Variants in SPG7 observed in about 807,000 individuals in gnomAD.
The protein encoded by SPG7 is SPG7 matrix AAA peptidase subunit, paraplegin.
In SPG7, 103 loss-of-function variants were observed where a neutral mutation model predicts 81.9. The ratio of observed to expected loss-of-function variants is 1.26; its 90% CI spans 1.07 to 1.48. SPG7 has a LOEUF of 1.48. Ranked by LOEUF, SPG7 falls within the 40% of genes most tolerant of loss-of-function variation. The pLI, the probability that SPG7 is intolerant of heterozygous loss-of-function variation, is 0.00. For synonymous variants in SPG7, 534 were observed against 444.2 expected (o/e 1.20, Z -2.54); for missense variants, 1,241 against 1,087.3 (o/e 1.14, Z -1.99).
chr16:89,557,420 C>T lies in SPG7; in HGVS notation c.*327C>T. On this transcript the variant is annotated 3_prime_UTR_variant, in exon 17 of 17. Transcript: ENST00000645818. ...CTGAGGCCACCCAGAGGCAGCAGAG[C>T]ATTCAGACTCCAAACAGACCCCTGT... 1 of 385,154 alleles carries T rather than the reference C, an allele frequency of 2.6e-6. No homozygotes were observed. 23.9% of individuals were successfully genotyped at this position (385,154 alleles called of 1,614,324 possible). A position where few individuals can be genotyped will look rare whatever the true frequency, so the allele number is the denominator to read the frequency against.
intron 4 of SPG7, 144 bp downstream of exon 4, chr16:89,524,391 T>A: frequency 5.4e-6 from 5 of 921,826 alleles, no homozygotes; most frequent in Middle Eastern, 3.6e-4. Flanking sequence ...GAGGGCATGC[T>A]TCTTTCTCAT....
At chr16:89,531,223 GAC>G (rs2058338237) in intron 7 of SPG7, 1 of 349,038 alleles carries the variant, frequency 2.9e-6, no homozygotes, top group African/African-American at 2.1e-5. Context: ...TCGAGGGGCT[GAC>G]ATGTGTTCCC....
At chr16:89,513,920 GATT>G (rs1422349561) in intron 3 of SPG7, among the ~76,000 whole-genome samples, 1 of 152,178 alleles carries the variant, frequency 6.6e-6, no homozygotes, top group Non-Finnish European at 1.5e-5. Flanking sequence ...TGGATGAGGG[GATT>G]ATTATTGTGA....
intron 9 of SPG7, chr16:89,536,674 C>A: frequency 6.7e-7 from 1 of 1,500,164 alleles, no homozygotes; most frequent in African/African-American, 1.4e-5. Flanking sequence ...CGGGTGAGAT[C>A]GGGCGAGGCG....
intron 7 of SPG7, 169 bp from the exon 8 acceptor site, chr16:89,531,735 C>G (rs1197394300): frequency 5.9e-6 from 4 of 683,008 alleles, no homozygotes; most frequent in Non-Finnish European, 7.8e-6. Flanking sequence ...CCCAGCTACT[C>G]GAGAGGCTGA....
intron 9 of SPG7, chr16:89,538,508 T>C (rs2058456837): frequency 6.6e-6 from 1 of 152,378 alleles, no homozygotes; most frequent in African/African-American, 2.4e-5. Context: ...CCTGGGCTTC[T>C]GGGCTCCGCA....
At chr16:89,532,319 A>T in intron 8 of SPG7, 144 bp from the exon 9 acceptor site, 1 of 1,102,798 alleles carries the variant, frequency 9.1e-7, no homozygotes. Context: ...GGCCCCCGCG[A>T]GCAGCTGCCG....
At chr16:89,545,531 CTGCTTCTCCAGGGGACAT>C (rs2058552400) in intron 10 of SPG7, 1 of 199,280 alleles carries the variant, frequency 5.0e-6, no homozygotes, top group Non-Finnish European at 1.0e-5. Flanking sequence ...CCAGGGGACA[CTGCTTCTCCAGGGGACAT>C]GGCTTCTCCA....
Position 89,557,123 on chromosome 16 carries a change from G to A in SPG7, c.*30G>A. On this transcript the variant is annotated 3_prime_UTR_variant, in exon 17 of 17. Transcript: ENST00000645818. ...GAGGTGTTGGCTGCACGTGCGGGTG[G>A]TCCGGGAAGTGAGGGCTCACTCAGC... 6.3e-7 allele frequency: 1 copy of A among 1,586,234 alleles called. No individual in the cohort carries two copies. Among genetic ancestry groups the A allele is most frequent in the Non-Finnish European group, 8.6e-7 (1 of 1,159,008 alleles).
intron 3 of SPG7, chr16:89,520,380 TTTTGTTTGTTTG>T (rs113614318): frequency 3.8e-5 from 7 of 185,892 alleles, no homozygotes; most frequent in Non-Finnish European, 6.6e-5. Context: ...CCTAGAGTGC[TTTTGTTTGTTTG>T]TTTGTTTGTT....
In SPG7 at chr16:89,544,970, GC is replaced by G. The variant is rs1315845929; in HGVS notation, c.1449+203del. 8 of 660,510 alleles carry G rather than the reference GC, an allele frequency of 1.2e-5. 1 individual carries two copies. The highest frequency in any genetic ancestry group is 5.0e-5 in the South Asian group (3 of 59,578). The allele number at this position is 660,510 out of a possible 1,614,324, so 40.9% of individuals were successfully genotyped here. A position where few individuals can be genotyped will look rare whatever the true frequency, so the allele number is the denominator to read the frequency against. On this transcript the variant is annotated intron_variant, in intron 10 of 16. Transcript: ENST00000645818. ...CCCACCGGCTGCACTCACTGCTGTG[GC>G]CCCCACATTGGCTGCACGCCCCCTG... is the stretch of plus-strand genomic sequence containing the variant.
intron 9 of SPG7, 192 bp downstream of exon 9, chr16:89,532,828 A>G (rs2058363778): frequency 2.9e-6 from 2 of 679,524 alleles, no homozygotes; most frequent in African/African-American, 3.6e-5. Context: ...TCACGCCTGT[A>G]ATCCCAGCAC....
chr16:89,555,983 G>T, intron 16 of SPG7: 1 of 398,822 alleles, frequency 2.5e-6, no homozygotes, highest in Non-Finnish European at 4.4e-6. Flanking sequence ...GTCCCCGGCT[G>T]AAGCAGGCCT....
At chr16:89,536,212 C>A (rs1479824374) in intron 9 of SPG7, among the ~76,000 whole-genome samples, 2 of 120,256 alleles carry the variant, frequency 1.7e-5, no homozygotes, top group Non-Finnish European at 3.5e-5. Context: ...TGCTGTGTGG[C>A]CTTCAGTGTG....
At chr16:89,530,908 G>T in intron 7 of SPG7, 100 bp downstream of exon 7, 2 of 1,547,486 alleles carry the variant, frequency 1.3e-6, no homozygotes, top group Non-Finnish European at 1.8e-6. Flanking sequence ...TCGATGACGT[G>T]TCGTGGGTTG....
intron 9 of SPG7, chr16:89,537,374 T>C: frequency 8.9e-7 from 1 of 1,125,770 alleles, no homozygotes; most frequent in Non-Finnish European, 1.1e-6. Context: ...AAAGCGTTGA[T>C]GGGGAGCGTC....
rs374619339 is a variant in SPG7, at chr16:89,527,933, GA to G, written c.758+1477del. On this transcript the variant is annotated intron_variant, in intron 5 of 16. Coordinates refer to ENST00000645818, the MANE Select transcript of SPG7 (RefSeq NM_003119.4). The stretch of plus-strand genomic sequence containing the variant: ...CAGCATGGAGAACCCCATCTCTACA[GA>G]AAAAAAAAAAAGATGCACCTTTAAT... Among the ~76,000 whole-genome samples, 650 of 141,556 alleles carry G rather than the reference GA, an allele frequency of 4.6e-3. 9 individuals are homozygous for G. The highest frequency in any genetic ancestry group is 0.015 in the African/African-American group (582 of 38,770). 92.9% of individuals were successfully genotyped at this position (141,556 alleles called of 152,430 possible). A position where few individuals can be genotyped will look rare whatever the true frequency, so the allele number is the denominator to read the frequency against.
chr16:89,548,741 C>G (rs1042293703), intron 12 of SPG7: 3 of 354,780 alleles, frequency 8.5e-6, no homozygotes, highest in Middle Eastern at 1.0e-3. Context: ...AACTGGGAAT[C>G]GGAGCTGCTG....
chr16:89,548,251 A>T, intron 12 of SPG7, 138 bp downstream of exon 12: 1 of 667,136 alleles, frequency 1.5e-6, no homozygotes. Flanking sequence ...GTTCTGCGTA[A>T]CTCATGTCTT....
Sources: gnomAD v4.1 joint callset for allele counts (sites outside exome capture counted in the v4.1 genomes callset) on GRCh38, gnomAD v4.1.1 for gene constraint, MANE v1.5 for transcripts, NCBI Gene and HGNC (gene_info 2026-07-23, HGNC 2026-07-21) for gene names.